The following SCIMP variants were observed in gnomAD, a reference collection of about 807,000 sequenced individuals.
The protein encoded by SCIMP is SLP adapter and CSK-interacting membrane protein.
In SCIMP, 18 loss-of-function variants were observed where a neutral mutation model predicts 22.0. The ratio of observed to expected loss-of-function variants is 0.82; its 90% CI spans 0.56 to 1.21. The LOEUF is 1.21. SCIMP is among the 50% of genes most tolerant of loss of function. SCIMP has a pLI of 0.00. For missense variants in SCIMP, 155 were observed against 171.2 expected (o/e 0.91, Z 0.53); for synonymous variants, 53 against 62.2 (o/e 0.85, Z 0.70).
At chr17:5,219,378 G>A (rs1168924502) in intron 3 of SCIMP, among the ~76,000 whole-genome samples, 2 of 151,986 alleles carry the variant, frequency 1.3e-5, no homozygotes, top group Non-Finnish European at 2.9e-5. Flanking sequence ...TGTAATCCGA[G>A]CACTTTGGGA....
At chr17:5,217,929 G>A (rs1364203888) in intron 3 of SCIMP, among the ~76,000 whole-genome samples, 1 of 152,096 alleles carries the variant, frequency 6.6e-6, no homozygotes, top group Non-Finnish European at 1.5e-5. Context: ...TATATACCCA[G>A]TAATGGGATG....
At chr17:5,219,454 G>A (rs1242452762) in intron 3 of SCIMP, among the ~76,000 whole-genome samples, 2 of 151,666 alleles carry the variant, frequency 1.3e-5, no homozygotes, top group African/African-American at 2.4e-5. Flanking sequence ...ATGGTGAAAC[G>A]CCATCTCTAC....
chr17:5,224,442 TTTTGTTTGTTTGTTTGTTTG>T (rs34816789), intron 1 of SCIMP, among the ~76,000 whole-genome samples: 1 of 143,702 alleles, frequency 7.0e-6, no homozygotes, highest in Non-Finnish European at 1.5e-5. Flanking sequence ...AGGCCAGTTT[TTTTGTTTGTTTGTTTGTTTG>T]TTTGTTTGTT....
intron 1 of SCIMP, among the ~76,000 whole-genome samples, chr17:5,229,384 C>CTTTTTTT (rs71151849): frequency 1.7e-5 from 1 of 59,284 alleles, no homozygotes; most frequent in African/African-American, 7.3e-5. Flanking sequence ...GTTTATTTAG[C>CTTTTTTT]TTTTTTTTTT....
intron 1 of SCIMP, among the ~76,000 whole-genome samples, chr17:5,227,468 G>A (rs781434780): frequency 2.6e-5 from 4 of 151,982 alleles, no homozygotes; most frequent in East Asian, 1.9e-4. Context: ...CGCATGCCTC[G>A]GCCTCCCAAA....
intron 3 of SCIMP, among the ~76,000 whole-genome samples, chr17:5,217,536 A>G (rs1454505433): frequency 6.7e-6 from 1 of 149,864 alleles, no homozygotes; most frequent in Non-Finnish European, 1.5e-5. Flanking sequence ...AGCATTAGGT[A>G]TATCTCCTAA....
chr17:5,226,088 T>C lies in SCIMP; in HGVS notation c.22-2632A>G, dbSNP rs1349797632. On this transcript the variant is annotated intron_variant, in intron 1 of 4. Transcript: ENST00000574081. ...AAAACACCGCTTGCAGAGTTTTTCC[T>C]GAAACAATACTCTTTAGAGCGATAG... 2.0e-5 allele frequency among the ~76,000 whole-genome samples: 3 copies of C among 152,144 alleles called. No homozygotes were observed. The East Asian group carries it at 5.8e-4, about 29-fold the overall frequency.
intron 1 of SCIMP, among the ~76,000 whole-genome samples, chr17:5,232,425 T>TA (rs2074709256): frequency 6.6e-6 from 1 of 151,882 alleles, no homozygotes; most frequent in Non-Finnish European, 1.5e-5. Context: ...CAGTGCAGTG[T>TA]AAACAGCGCA....
intron 3 of SCIMP, among the ~76,000 whole-genome samples, chr17:5,220,473 T>C (rs2074598434): frequency 6.8e-6 from 1 of 147,122 alleles, no homozygotes; most frequent in Non-Finnish European, 1.5e-5. Flanking sequence ...GTGCAGTGGC[T>C]CACGTCTATA....
intron 3 of SCIMP, among the ~76,000 whole-genome samples, chr17:5,216,621 G>A (rs772704277): frequency 4.0e-4 from 61 of 151,960 alleles, no homozygotes; most frequent in Admixed American, 2.0e-3. Flanking sequence ...AGCCAAGATC[G>A]CGCCACTGCA....
At chr17:5,223,720 T>G in intron 1 of SCIMP, 1 of 387,104 alleles carries the variant, frequency 2.6e-6, no homozygotes, top group Non-Finnish European at 4.9e-6. Flanking sequence ...TGGCTAATTT[T>G]TGTATTTTTA....
intron 3 of SCIMP, among the ~76,000 whole-genome samples, chr17:5,217,562 C>A (rs2144315994): frequency 2.5e-5 from 3 of 122,444 alleles, no homozygotes; most frequent in Non-Finnish European, 1.7e-5. Flanking sequence ...TCCCTCCCCC[C>A]TCCCCCCACC....
At chr17:5,234,168 G>A (rs1366160581) in intron 1 of SCIMP, among the ~76,000 whole-genome samples, 1 of 152,166 alleles carries the variant, frequency 6.6e-6, no homozygotes, top group Non-Finnish European at 1.5e-5. Flanking sequence ...CTACTCAGGA[G>A]GCTGAGGCAG....
intron 1 of SCIMP, chr17:5,223,708 C>T: frequency 2.5e-6 from 1 of 402,060 alleles, no homozygotes; most frequent in East Asian, 5.5e-5. Flanking sequence ...TGCCACCACG[C>T]CTGGCTAATT....
intron 1 of SCIMP, 140 bp from the exon 2 acceptor site, chr17:5,223,596 G>A: frequency 1.3e-6 from 1 of 755,906 alleles, no homozygotes; most frequent in East Asian, 2.7e-5. Flanking sequence ...AGGCTGGAGT[G>A]CAATGACGTG....
At position 5,209,950 on chromosome 17, in the gene SCIMP, C is replaced by G. The variant is rs1029451095; in HGVS notation, c.*851G>C. ...GATATTAAGCCCCCTGAACTCTCATCTTGTATATGCCATTGTTACATGCCC... is the reference window on the plus strand; with the variant it reads ...GATATTAAGCCCCCTGAACTCTCATGTTGTATATGCCATTGTTACATGCCC... On this transcript the variant is annotated 3_prime_UTR_variant, in exon 5 of 5. Coordinates refer to ENST00000574081, the MANE Select transcript of SCIMP (RefSeq NM_207103.3). The G allele has an allele frequency of 6.6e-6, 1 of 152,194 alleles. No homozygotes were observed. Among genetic ancestry groups the G allele is most frequent in the Non-Finnish European group, 1.5e-5 (1 of 68,048 alleles). 9.4% of individuals were successfully genotyped at this position (152,194 alleles called of 1,614,324 possible). A position where few individuals can be genotyped will look rare whatever the true frequency, so the allele number is the denominator to read the frequency against.
chr17:5,227,293 A>ACT (rs367786435), intron 1 of SCIMP, among the ~76,000 whole-genome samples: 1 of 1,992 alleles, frequency 5.0e-4, no homozygotes, highest in Non-Finnish European at 1.9e-3. Flanking sequence ...CACACACACA[A>ACT]CACACACACA....
At chr17:5,216,673 A>C (rs1239677444) in intron 3 of SCIMP, among the ~76,000 whole-genome samples, 2 of 152,132 alleles carry the variant, frequency 1.3e-5, no homozygotes. Flanking sequence ...CTCAAAAACA[A>C]AAAAACAAAA....
chr17:5,211,786 G>A (rs370842080), intron 4 of SCIMP, among the ~76,000 whole-genome samples: 2 of 152,130 alleles, frequency 1.3e-5, no homozygotes, highest in South Asian at 4.1e-4. Context: ...GCTGGGGCGC[G>A]GTGGCTTATG....
Sources: gnomAD v4.1 joint callset for allele counts (sites outside exome capture counted in the v4.1 genomes callset) on GRCh38, gnomAD v4.1.1 for gene constraint, MANE v1.5 for transcripts, NCBI Gene and HGNC (gene_info 2026-07-23, HGNC 2026-07-21) for gene names.